The following RAPSN variants were observed in gnomAD, a reference collection of about 807,000 sequenced individuals.
RAPSN encodes the protein receptor associated protein of the synapse.
Under a neutral mutation model 45.7 loss-of-function variants are expected in RAPSN, and 33 were observed. The ratio of observed to expected loss-of-function variants is 0.72; its 90% CI spans 0.55 to 0.97. The LOEUF is 0.97. RAPSN is among the 50% of genes least tolerant of loss of function. RAPSN has a pLI of 0.00. For synonymous variants in RAPSN, 244 were observed against 233.6 expected, an observed-to-expected ratio of 1.04 and a Z score of -0.40; for missense variants, 519 against 559.4, an observed-to-expected ratio of 0.93 and a Z score of 0.73.
chr11:47,448,751 C>T, intron 1 of RAPSN, 22 bp downstream of exon 1: 12 of 1,605,146 alleles, frequency 7.5e-6, no homozygotes, highest in Non-Finnish European at 1.0e-5. Context: ...CCCTCGAACG[C>T]CCCCAGGCCG....
In RAPSN at chr11:47,448,121, C is replaced by T; in HGVS notation, c.222G>A (p.Arg74=). 6.2e-7 allele frequency: 1 copy of T among 1,613,276 alleles called. No homozygotes were observed. The highest frequency in any genetic ancestry group is 8.5e-7 in the Non-Finnish European group (1 of 1,180,000). The stretch of plus-strand genomic sequence containing the variant: ...GGAGGAAGTCGGCATCCTCCAGCTC[C>T]CGGGCCGTGTCGATCTGGACCACAG... ...KFAVVQIDTA[R]ELEDADFLLE... The change falls in exon 2 of 8, where the codon CGG becomes CGA. Residue 74 remains arginine (R), a synonymous_variant. Coordinates refer to ENST00000298854, the MANE Select transcript of RAPSN (RefSeq NM_005055.5).
intron 5 of RAPSN, 53 bp from the exon 6 acceptor site, chr11:47,441,265 G>C (rs374328347): frequency 1.2e-6 from 2 of 1,605,782 alleles, no homozygotes; most frequent in African/African-American, 2.7e-5. Flanking sequence ...GACAGGCCTT[G>C]CTCACAGGGA....
chr11:47,448,932 C>G lies in RAPSN; in HGVS notation c.33G>C (p.Glu11Asp), dbSNP rs1047615316. 1.9e-6 allele frequency: 3 copies of G among 1,614,136 alleles called. No homozygotes were observed. The African/African-American group carries it at 4.0e-5, about 22-fold the overall frequency. ...TGGACTGGTACAGCTGGAGCCCCTTCTCGATCTGCTGCTTGGTCTGGTCCT... is the reference window on the plus strand; with the variant it reads ...TGGACTGGTACAGCTGGAGCCCCTTGTCGATCTGCTGCTTGGTCTGGTCCT... The part of the protein sequence containing the change: MGQDQTKQQI[E>D]KGLQLYQSNQ... The change falls in exon 1 of 8, where the codon GAG becomes GAC. Residue 11 changes from glutamate (E) to aspartate (D), a missense_variant. Physicochemically the swap from Glu to Asp is conservative, Grantham distance 45. Coordinates refer to ENST00000298854, the MANE Select transcript of RAPSN (RefSeq NM_005055.5).
chr11:47,446,922 T>C (rs990404183), intron 2 of RAPSN, among the ~76,000 whole-genome samples: 1 of 152,020 alleles, frequency 6.6e-6, no homozygotes, highest in African/African-American at 2.4e-5. Flanking sequence ...CGCCAAAAAA[T>C]ACCCAGGATC....
At chr11:47,444,228 T>A (rs2076387623) in intron 2 of RAPSN, among the ~76,000 whole-genome samples, 1 of 152,018 alleles carries the variant, frequency 6.6e-6, no homozygotes, top group African/African-American at 2.4e-5. Context: ...AAATTTAATT[T>A]GAAAAATACC....
At chr11:47,440,324 C>G (rs2076353081) in intron 6 of RAPSN, among the ~76,000 whole-genome samples, 1 of 152,182 alleles carries the variant, frequency 6.6e-6, no homozygotes, top group Non-Finnish European at 1.5e-5. Flanking sequence ...GTTACCCAGG[C>G]TGGAGTGCAG....
At chr11:47,442,538 GC>G in intron 3 of RAPSN, 117 bp downstream of exon 3, 1 of 1,209,966 alleles carries the variant, frequency 8.3e-7, no homozygotes, top group Non-Finnish European at 1.2e-6. Flanking sequence ...TGGGCCAGAG[GC>G]AAGCCCTAGG....
intron 1 of RAPSN, 101 bp from the exon 2 acceptor site, chr11:47,448,251 C>G: frequency 8.0e-7 from 1 of 1,252,950 alleles, no homozygotes; most frequent in Non-Finnish European, 1.1e-6. Context: ...CACACCCACC[C>G]CCCAGCCTCA....
intron 2 of RAPSN, among the ~76,000 whole-genome samples, chr11:47,445,593 C>CAAAAAAA (rs61001294): frequency 6.9e-5 from 4 of 58,304 alleles, no homozygotes; most frequent in African/African-American, 2.0e-4. Flanking sequence ...GAGACTGTCT[C>CAAAAAAA]AAAAAAAAAA....
intron 2 of RAPSN, among the ~76,000 whole-genome samples, chr11:47,447,346 C>T (rs1446307787): frequency 6.6e-6 from 1 of 152,184 alleles, no homozygotes; most frequent in East Asian, 1.9e-4. Flanking sequence ...CTCGTGAGGA[C>T]GGGGACTTGG....
chr11:47,443,886 C>T (rs1302163840), intron 2 of RAPSN, among the ~76,000 whole-genome samples: 1 of 131,814 alleles, frequency 7.6e-6, no homozygotes, highest in African/African-American at 2.9e-5. Context: ...GCTGAGATTG[C>T]ACCACTGCAC....
intron 7 of RAPSN, 59 bp from the exon 8 acceptor site, chr11:47,438,106 C>G (rs759167710): frequency 1.8e-5 from 27 of 1,531,314 alleles, no homozygotes; most frequent in Non-Finnish European, 2.3e-5. Context: ...TCCGGGCCCT[C>G]TCTTCCTTCC....
Position 47,438,900 on chromosome 11 carries a change from T to C in RAPSN, c.998A>G (p.Glu333Gly). 1 of 1,563,130 alleles carries C rather than the reference T, an allele frequency of 6.4e-7. No homozygotes were observed. The highest frequency in any genetic ancestry group is 1.4e-5 in the African/African-American group (1 of 74,064). Residue 333 changes from glutamate (E) to glycine (G), a missense_variant, in exon 7 of 8, where the codon GAG becomes GGG. Glu to Gly is a moderately conservative substitution (Grantham distance 98). Coordinates refer to ENST00000298854, the MANE Select transcript of RAPSN (RefSeq NM_005055.5). ...LSQLKLHCLS[E>G]SIYRSKGLQR... is the part of the protein sequence containing the mutation. ...CAGCCCTTTGCTGCGGTAAATGCTC[T>C]CGCTCAGACAGTGCAGCTTGAGCTG... is the stretch of plus-strand genomic sequence containing the variant.
At chr11:47,445,211 C>T (rs764771151) in intron 2 of RAPSN, among the ~76,000 whole-genome samples, 9 of 151,510 alleles carry the variant, frequency 5.9e-5, no homozygotes, top group Admixed American at 1.3e-4. Context: ...GCCTGGGTGA[C>T]AGAGTAAGAC....
intron 7 of RAPSN, 186 bp downstream of exon 7, chr11:47,438,546 C>T: frequency 1.5e-6 from 1 of 653,952 alleles, no homozygotes; most frequent in Non-Finnish European, 2.6e-6. Flanking sequence ...TGATCTTGAA[C>T]CCCGGGGCTC....
At chr11:47,441,250 T>C in intron 5 of RAPSN, 38 bp from the exon 6 acceptor site, 2 of 1,611,032 alleles carry the variant, frequency 1.2e-6, no homozygotes, top group South Asian at 2.2e-5. Context: ...CGGGCAGAGC[T>C]GTCTGACAGG....
chr11:47,441,520 A>G, intron 5 of RAPSN, 91 bp downstream of exon 5: 1 of 1,581,966 alleles, frequency 6.3e-7, no homozygotes, highest in Non-Finnish European at 8.5e-7. Flanking sequence ...GGCTGACGTC[A>G]GACAAAGTGG....
intron 7 of RAPSN, chr11:47,438,531 C>T: frequency 1.6e-6 from 1 of 621,246 alleles, no homozygotes; most frequent in South Asian, 2.1e-5. Context: ...CCATGTTGGC[C>T]AAGATGATCT....
intron 2 of RAPSN, 152 bp from the exon 3 acceptor site, chr11:47,442,966 G>T: frequency 7.5e-7 from 1 of 1,326,884 alleles, no homozygotes; most frequent in Non-Finnish European, 1.0e-6. Flanking sequence ...AGAGTGGCCC[G>T]GTAGAGGGAA....
Sources: gnomAD v4.1 joint callset for allele counts (sites outside exome capture counted in the v4.1 genomes callset) on GRCh38, gnomAD v4.1.1 for gene constraint, MANE v1.5 for transcripts, NCBI Gene and HGNC (gene_info 2026-07-23, HGNC 2026-07-21) for gene names.